The following OR8B2 variants were observed in gnomAD, a reference collection of about 807,000 sequenced individuals.
OR8B2 encodes the protein olfactory receptor 8B2.
For missense variants in OR8B2, 304 were observed against 379.6 expected (o/e 0.80, Z 1.65); for synonymous variants, 98 against 138.2 (o/e 0.71, Z 2.04).
chr11:124,396,774 T>A, the OR8B2 span: 2 of 1,613,538 alleles, frequency 1.2e-6, no homozygotes, highest in Non-Finnish European at 1.7e-6. Flanking sequence ...CTCGTTGACA[T>A]AGGTGCTGGT....
At chr11:124,393,279 G>C in the OR8B2 span, among the ~76,000 whole-genome samples, 1 of 138,602 alleles carries the variant, frequency 7.2e-6, no homozygotes, top group Non-Finnish European at 1.5e-5. Context: ...CTAATTAAAT[G>C]AAAGAGCTTC....
the OR8B2 span, chr11:124,395,917 G>C: frequency 6.5e-6 from 1 of 153,238 alleles, no homozygotes; most frequent in African/African-American, 2.4e-5. Flanking sequence ...TGACAATATA[G>C]AACAAAAGGA....
At chr11:124,394,286 A>C in the OR8B2 span, among the ~76,000 whole-genome samples, 1 of 151,234 alleles carries the variant, frequency 6.6e-6, no homozygotes, top group Non-Finnish European at 1.5e-5. Context: ...TAAATAAATA[A>C]ATAAATAAAA....
the OR8B2 span, among the ~76,000 whole-genome samples, chr11:124,395,138 A>G: frequency 6.9e-6 from 1 of 144,494 alleles, no homozygotes; most frequent in South Asian, 2.2e-4. Context: ...AAAACCATAC[A>G]AAAAAAAAAA....
chr11:124,385,623 C>T (rs559282672), upstream of OR8B2, among the ~76,000 whole-genome samples: 61 of 87,784 alleles, frequency 6.9e-4, no homozygotes, highest in Non-Finnish European at 1.1e-3. Flanking sequence ...TTTTCTTTTT[C>T]TCTCTCTCTC....
At chr11:124,393,530 C>G in the OR8B2 span, among the ~76,000 whole-genome samples, 58 of 130,360 alleles carry the variant, frequency 4.4e-4, no homozygotes, top group African/African-American at 2.0e-3. Flanking sequence ...CATCACTGGC[C>G]ATCAGAGAAA....
upstream of OR8B2, among the ~76,000 whole-genome samples, chr11:124,384,811 G>C (rs1258751820): frequency 6.6e-6 from 1 of 152,032 alleles, no homozygotes; most frequent in East Asian, 1.9e-4. Context: ...TTTTCATCAG[G>C]GATTATACAA....
chr11:124,396,375 G>T, the OR8B2 span: 1 of 1,538,724 alleles, frequency 6.5e-7, no homozygotes, highest in Non-Finnish European at 8.7e-7. Flanking sequence ...AAAATTTAAA[G>T]TTCTTCAATC....
chr11:124,385,536 G>A (rs1462576334), upstream of OR8B2, among the ~76,000 whole-genome samples: 2 of 151,174 alleles, frequency 1.3e-5, no homozygotes, highest in South Asian at 2.1e-4. Context: ...GTGTGTGTGT[G>A]TAGATCTATG....
At chr11:124,383,905 A>G (rs562174007) in intron 1 of OR8B2, among the ~76,000 whole-genome samples, 9 of 152,282 alleles carry the variant, frequency 5.9e-5, no homozygotes, top group African/African-American at 1.9e-4. Context: ...GATTCACCAC[A>G]TACAAATCAC....
At chr11:124,383,844 C>T (rs1860649985) in intron 1 of OR8B2, among the ~76,000 whole-genome samples, 1 of 152,130 alleles carries the variant, frequency 6.6e-6, no homozygotes, top group Non-Finnish European at 1.5e-5. Flanking sequence ...CTATAAGAAT[C>T]CATGAAGTCA....
At chr11:124,396,116 A>G in the OR8B2 span, 2 of 238,690 alleles carry the variant, frequency 8.4e-6, no homozygotes, top group Non-Finnish European at 1.6e-5. Context: ...GAAATTTACC[A>G]TATATGTCCA....
chr11:124,393,220 T>C, the OR8B2 span, among the ~76,000 whole-genome samples: 1 of 146,318 alleles, frequency 6.8e-6, no homozygotes, highest in Non-Finnish European at 1.5e-5. Flanking sequence ...ACTTCATGTC[T>C]AAAACACCAA....
chr11:124,391,861 C>T, the OR8B2 span, among the ~76,000 whole-genome samples: 1 of 150,352 alleles, frequency 6.7e-6, no homozygotes, highest in East Asian at 1.9e-4. Context: ...GAAAAATCCT[C>T]AATAAAATAC....
chr11:124,387,209 G>T (rs1322885209), upstream of OR8B2, among the ~76,000 whole-genome samples: 13 of 152,222 alleles, frequency 8.5e-5, no homozygotes. Context: ...GTTGTAGGTT[G>T]CCTGTTCACT....
chr11:124,386,332 G>C (rs1308988365), upstream of OR8B2, among the ~76,000 whole-genome samples: 1 of 147,512 alleles, frequency 6.8e-6, no homozygotes, highest in Non-Finnish European at 1.5e-5. Context: ...ATGTATACAT[G>C]TGCCATGTTG....
the OR8B2 span, chr11:124,397,268 A>G: frequency 9.2e-6 from 13 of 1,411,996 alleles, no homozygotes; most frequent in East Asian, 2.5e-4. Flanking sequence ...GAAACAGGAA[A>G]AAGAGGGGTT....
chr11:124,383,653 T>C (rs866794539), intron 1 of OR8B2, among the ~76,000 whole-genome samples: 78 of 152,286 alleles, frequency 5.1e-4, no homozygotes, highest in African/African-American at 1.7e-3. Flanking sequence ...ATGTGTCTCA[T>C]CTCCCTCACT....
At chr11:124,389,034 C>T (rs1860744071), upstream of OR8B2, among the ~76,000 whole-genome samples, 1 of 151,980 alleles carries the variant, frequency 6.6e-6, no homozygotes, top group South Asian at 2.1e-4. Flanking sequence ...CCGTGTTGGA[C>T]AGGATGGTCT....
Sources: allele counts gnomAD v4.1 joint callset (sites outside exome capture counted in the v4.1 genomes callset), GRCh38; gene constraint gnomAD v4.1.1; transcripts MANE v1.5; gene names NCBI Gene and HGNC (gene_info 2026-07-23, HGNC 2026-07-21).